ESYT2: variants seen among roughly 807,000 people sequenced by gnomAD.
ESYT2 encodes the protein extended synaptotagmin-2.
ESYT2 carries 54 observed loss-of-function variants against 107.2 expected under a neutral mutation model. That is an observed-to-expected ratio of 0.50 (90% CI 0.40 to 0.63). The LOEUF (loss-of-function observed/expected upper bound fraction) is 0.63, where lower values mean the gene tolerates loss of function less well. ESYT2 is among the 30% of genes least tolerant of loss of function. The pLI is 0.00. For missense variants in ESYT2, 1,020 were observed against 1,094.5 expected (o/e 0.93, Z 0.96); for synonymous variants, 491 against 434.1 (o/e 1.13, Z -1.63).
At chr7:158,734,675 A>G (rs746386496) in intron 21 of ESYT2, among the ~76,000 whole-genome samples, 1 of 152,254 alleles carries the variant, frequency 6.6e-6, no homozygotes, top group Non-Finnish European at 1.5e-5. Context: ...CCTTGGTCCC[A>G]GCAACTCGGG....
intron 1 of ESYT2, among the ~76,000 whole-genome samples, chr7:158,804,805 G>A (rs190078483): frequency 5.3e-5 from 8 of 151,902 alleles, no homozygotes; most frequent in Non-Finnish European, 7.4e-5. Context: ...AAGGTGAGGC[G>A]CGTGAAAAAC....
At chr7:158,759,806 C>A (rs73729984) in intron 12 of ESYT2, among the ~76,000 whole-genome samples, 360 of 152,312 alleles carry the variant, frequency 2.4e-3, no homozygotes, top group African/African-American at 8.4e-3. Context: ...TCTGGCTCTA[C>A]AAATCCCTGC....
intron 6 of ESYT2, among the ~76,000 whole-genome samples, chr7:158,782,896 GAGAC>G (rs1183293110): frequency 6.6e-6 from 1 of 151,836 alleles, no homozygotes; most frequent in Non-Finnish European, 1.5e-5. Context: ...ATGGGTGTGT[GAGAC>G]AGGAGGCTCC....
At chr7:158,779,213 CAA>C (rs1838683894) in intron 6 of ESYT2, among the ~76,000 whole-genome samples, 1 of 152,118 alleles carries the variant, frequency 6.6e-6, no homozygotes, top group Non-Finnish European at 1.5e-5. Context: ...CTATTTATAG[CAA>C]AGAGCATGAA....
intron 7 of ESYT2, among the ~76,000 whole-genome samples, chr7:158,770,502 T>TATG (rs1227037521): frequency 6.6e-6 from 1 of 150,806 alleles, no homozygotes; most frequent in Non-Finnish European, 1.5e-5. Context: ...ATTATACATA[T>TATG]ACGATTATAT....
intron 6 of ESYT2, among the ~76,000 whole-genome samples, chr7:158,786,249 G>A (rs1839112311): frequency 6.6e-6 from 1 of 152,114 alleles, no homozygotes; most frequent in African/African-American, 2.4e-5. Context: ...TTTGGATTTC[G>A]TTACATTCTG....
intron 1 of ESYT2, among the ~76,000 whole-genome samples, chr7:158,821,151 G>C (rs1840275435): frequency 6.6e-6 from 1 of 152,166 alleles, no homozygotes; most frequent in Admixed American, 6.5e-5. Flanking sequence ...CAGGAAGAAA[G>C]ACTCTGGAAA....
intron 2 of ESYT2, among the ~76,000 whole-genome samples, chr7:158,798,646 C>CAAAAAAAAAAAAAAAAAAAAAAAAAAAA (rs57351086): frequency 2.0e-5 from 1 of 49,852 alleles, no homozygotes; most frequent in Non-Finnish European, 3.3e-5. Flanking sequence ...AGCTCCGTCT[C>CAAAAAAAAAAAAAAAAAAAAAAAAAAAA]AAAAAAAAAA....
At chr7:158,774,959 AAAAGAACAG>A (rs1217416765) in intron 6 of ESYT2, among the ~76,000 whole-genome samples, 1 of 152,048 alleles carries the variant, frequency 6.6e-6, no homozygotes, top group Non-Finnish European at 1.5e-5. Context: ...CATTGTAGTT[AAAAGAACAG>A]GAAAGAGAAT....
rs1839375837 is a variant in ESYT2 at position 158,793,691 on chromosome 7, T to A, written c.543A>T (p.Glu181Asp). Residue 181 changes from glutamate to aspartate, a missense_variant, in exon 4 of 23, where the codon GAA (glutamate) becomes GAT (aspartate). Transcript: ENST00000275418. Reference sequence around the variant, plus strand: ...AAATAATTTGCCTTTTGTCTACATTTTCAGTGTATACCTTAACACCATTGA... The same window carrying A: ...AAATAATTTGCCTTTTGTCTACATTATCAGTGTATACCTTAACACCATTGA... ...LRINGVKVYT[E>D]NVDKRQIILD... is the part of the protein sequence containing the mutation. The A allele has an allele frequency of 6.2e-7, 1 of 1,613,626 alleles. No homozygotes were observed. The highest frequency in any genetic ancestry group is 8.5e-7 in the Non-Finnish European group (1 of 1,179,838).
chr7:158,760,000 C>G, intron 12 of ESYT2, 58 bp downstream of exon 12: 2 of 1,506,028 alleles, frequency 1.3e-6, no homozygotes, highest in Non-Finnish European at 1.8e-6. Flanking sequence ...AGAGACCAAG[C>G]TCAGTTATGA....
At chr7:158,809,473 T>A in intron 1 of ESYT2, among the ~76,000 whole-genome samples, 1 of 4,946 alleles carries the variant, frequency 2.0e-4, no homozygotes, top group Non-Finnish European at 4.8e-4. Context: ...AGAATCCATC[T>A]CAAAAAAAAA....
intron 18 of ESYT2, among the ~76,000 whole-genome samples, chr7:158,739,872 T>C (rs1837132176): frequency 6.6e-6 from 1 of 152,108 alleles, no homozygotes; most frequent in Non-Finnish European, 1.5e-5. Flanking sequence ...AAGGAACAGA[T>C]TCCTTGCGGC....
chr7:158,766,543 A>G (rs1239583230), intron 8 of ESYT2, among the ~76,000 whole-genome samples: 1 of 152,198 alleles, frequency 6.6e-6, no homozygotes, highest in East Asian at 1.9e-4. Flanking sequence ...AACCAATTTG[A>G]GCACCAAATT....
intron 1 of ESYT2, among the ~76,000 whole-genome samples, chr7:158,800,854 G>A (rs1047349157): frequency 2.6e-5 from 4 of 151,774 alleles, no homozygotes; most frequent in Non-Finnish European, 5.9e-5. Flanking sequence ...TCAGCCTCCC[G>A]AGAAGCTGGG....
At chr7:158,757,040 T>C (rs1228387039) in intron 13 of ESYT2, among the ~76,000 whole-genome samples, 1 of 151,996 alleles carries the variant, frequency 6.6e-6, no homozygotes, top group Admixed American at 6.5e-5. Flanking sequence ...TCATTATGGC[T>C]TCATTTCTCC....
intron 6 of ESYT2, among the ~76,000 whole-genome samples, chr7:158,784,025 C>A (rs1839021110): frequency 6.6e-6 from 1 of 152,096 alleles, no homozygotes; most frequent in African/African-American, 2.4e-5. Context: ...CAGACCCTCT[C>A]CTGCAAAAGA....
chr7:158,774,966 C>A (rs907196722), intron 6 of ESYT2, among the ~76,000 whole-genome samples: 1 of 152,006 alleles, frequency 6.6e-6, no homozygotes, highest in Admixed American at 6.5e-5. Flanking sequence ...GTTAAAAGAA[C>A]AGGAAAGAGA....
In ESYT2 at chr7:158,787,801, A is replaced by C. The variant is rs568066295; in HGVS notation, c.747+203T>G. Among the ~76,000 whole-genome samples the C allele has an allele frequency of 3.0e-4, 45 of 152,338 alleles. No homozygotes were observed. In the South Asian group the frequency reaches 9.3e-3, roughly 32 times the overall value. On this transcript the variant is annotated intron_variant, in intron 6 of 22. Transcript: ENST00000275418. Reference sequence around the variant, plus strand: ...TTCCAAATTTTTGTAACATTTTTATAATCAGGAAAGAGAGCTGTTTATCAA... The same window carrying C: ...TTCCAAATTTTTGTAACATTTTTATCATCAGGAAAGAGAGCTGTTTATCAA...
Sources: allele counts gnomAD v4.1 joint callset (sites outside exome capture counted in the v4.1 genomes callset), GRCh38; gene constraint gnomAD v4.1.1; transcripts MANE v1.5; gene names NCBI Gene and HGNC (gene_info 2026-07-23, HGNC 2026-07-21).